KDM4C: variants seen among roughly 807,000 people sequenced by gnomAD.
KDM4C encodes lysine demethylase 4C.
In KDM4C, 81 loss-of-function variants were observed where a neutral mutation model predicts 129.3. That is an observed-to-expected ratio of 0.63 (90% CI 0.52 to 0.75). The LOEUF is 0.75. Ranked by LOEUF, KDM4C falls within the 30% of genes least tolerant of loss-of-function variation. KDM4C has a pLI of 0.00. For synonymous variants in KDM4C, 573 were observed against 456.1 expected (o/e 1.26, Z -3.26); for missense variants, 1,457 against 1,304.0 (o/e 1.12, Z -1.81).
intron 4 of KDM4C, among the ~76,000 whole-genome samples, chr9:6,840,965 C>G (rs1438638179): frequency 2.0e-5 from 3 of 152,192 alleles, no homozygotes; most frequent in Admixed American, 6.5e-5. Flanking sequence ...AAGAGCACAT[C>G]TAAATGTAAC....
At chr9:7,062,862 T>C (rs1441410243) in intron 17 of KDM4C, among the ~76,000 whole-genome samples, 5 of 152,200 alleles carry the variant, frequency 3.3e-5, no homozygotes, top group African/African-American at 4.8e-5. Flanking sequence ...GACTTCTTTT[T>C]TTCCACTTTG....
chr9:6,876,254 C>G, intron 5 of KDM4C, among the ~76,000 whole-genome samples: 1 of 152,160 alleles, frequency 6.6e-6, no homozygotes, highest in Non-Finnish European at 1.5e-5. Flanking sequence ...TTGATCTTAG[C>G]CAAAAGGCCG....
At chr9:6,978,840 T>A (rs973736551) in intron 8 of KDM4C, 1 of 152,178 alleles carries the variant, frequency 6.6e-6, no homozygotes, top group Non-Finnish European at 1.5e-5. Context: ...AGTACCATCC[T>A]CCAGTCTCGG....
intron 4 of KDM4C, among the ~76,000 whole-genome samples, chr9:6,847,716 C>T (rs572219367): frequency 1.3e-5 from 2 of 152,204 alleles, no homozygotes; most frequent in South Asian, 2.1e-4. Context: ...GATACTTTGA[C>T]CAGTTTCCAA....
rs1320547309 is a variant in KDM4C at position 6,950,599 on chromosome 9, G to A, written c.922-30326G>A. ...AGATGATCATCAAATGCTGGTTTAA[G>A]TGAGATTATCTCTGTATTCTGTTTA... On this transcript the variant is annotated intron_variant, in intron 8 of 21. Transcript: ENST00000381309. Among the ~76,000 whole-genome samples, 5 of 152,306 alleles carry A rather than the reference G, an allele frequency of 3.3e-5. No individual in the cohort carries two copies. The South Asian group carries it at 6.2e-4, about 19-fold the overall frequency.
At chr9:6,939,722 T>A (rs1282275922) in intron 8 of KDM4C, among the ~76,000 whole-genome samples, 1 of 152,252 alleles carries the variant, frequency 6.6e-6, no homozygotes, top group Non-Finnish European at 1.5e-5. Context: ...TAATTAATGA[T>A]AGGGTTCCTT....
chr9:6,985,730 G>A lies in KDM4C; in HGVS notation c.1355-614G>A, dbSNP rs140874573. Among the ~76,000 whole-genome samples, 1,039 of 151,918 alleles carry A rather than the reference G, an allele frequency of 6.8e-3. 9 individuals carry two copies. The highest frequency in any genetic ancestry group is 0.024 in the African/African-American group (985 of 41,420). Reference sequence around the variant, plus strand: ...TTTTGAGACAGAGTCTCTCTCTGTCGCCCAGGCTGGAGTGCCGTGGCACAA... The same window carrying A: ...TTTTGAGACAGAGTCTCTCTCTGTCACCCAGGCTGGAGTGCCGTGGCACAA... On this transcript the variant is annotated intron_variant, in intron 10 of 21. Coordinates refer to ENST00000381309, the MANE Select transcript of KDM4C (RefSeq NM_015061.6).
intron 8 of KDM4C, among the ~76,000 whole-genome samples, chr9:6,949,618 C>T (rs1827727387): frequency 6.6e-6 from 1 of 152,232 alleles, no homozygotes; most frequent in African/African-American, 2.4e-5. Context: ...GCTGGCAGAT[C>T]ACTCGCGGTT....
intron 19 of KDM4C, among the ~76,000 whole-genome samples, chr9:7,160,633 C>G (rs1164410067): frequency 2.6e-5 from 4 of 152,138 alleles, no homozygotes; most frequent in Non-Finnish European, 4.4e-5. Flanking sequence ...CACTCCAGAC[C>G]CTGTTTGCCT....
chr9:6,985,974 A>C (rs1471574953), intron 10 of KDM4C, among the ~76,000 whole-genome samples: 1 of 152,196 alleles, frequency 6.6e-6, no homozygotes, highest in Non-Finnish European at 1.5e-5. Context: ...TACACACGTG[A>C]GCCACCGTGC....
chr9:7,109,099 C>T (rs1166884581), intron 18 of KDM4C, among the ~76,000 whole-genome samples: 1 of 152,102 alleles, frequency 6.6e-6, no homozygotes. Flanking sequence ...GTGAATGCAG[C>T]CTATCATAAC....
intron 10 of KDM4C, 108 bp from the exon 11 acceptor site, chr9:6,986,236 C>A: frequency 1.4e-6 from 1 of 712,868 alleles, no homozygotes; most frequent in Non-Finnish European, 2.3e-6. Flanking sequence ...CATGCGCATG[C>A]GTGTGTATGT....
At chr9:7,001,131 T>C (rs1194866704) in intron 12 of KDM4C, among the ~76,000 whole-genome samples, 1 of 152,242 alleles carries the variant, frequency 6.6e-6, no homozygotes, top group Non-Finnish European at 1.5e-5. Context: ...TTTGGAGGTG[T>C]TAGGTTCCCA....
intron 8 of KDM4C, among the ~76,000 whole-genome samples, chr9:6,942,052 G>A (rs961427443): frequency 1.3e-5 from 2 of 152,148 alleles, no homozygotes; most frequent in African/African-American, 2.4e-5. Flanking sequence ...TTTAAAAAGG[G>A]TTCCAATATA....
intron 8 of KDM4C, among the ~76,000 whole-genome samples, chr9:6,953,840 C>G (rs1295539584): frequency 6.6e-6 from 1 of 152,176 alleles, no homozygotes; most frequent in Non-Finnish European, 1.5e-5. Flanking sequence ...TTCCTGCTGC[C>G]TCATCATCAT....
chr9:7,127,562 T>A (rs747889662), intron 18 of KDM4C, among the ~76,000 whole-genome samples: 2 of 152,182 alleles, frequency 1.3e-5, no homozygotes, highest in African/African-American at 2.4e-5. Context: ...ATGGTCCTGA[T>A]TAAAGAAGCC....
intron 3 of KDM4C, among the ~76,000 whole-genome samples, chr9:6,811,183 T>C (rs574666731): frequency 6.6e-6 from 1 of 152,260 alleles, no homozygotes; most frequent in South Asian, 2.1e-4. Flanking sequence ...AGACAGAGTC[T>C]CGCTCTGTTG....
intron 17 of KDM4C, among the ~76,000 whole-genome samples, chr9:7,069,188 G>A (rs1832865817): frequency 6.6e-6 from 1 of 152,064 alleles, no homozygotes; most frequent in African/African-American, 2.4e-5. Context: ...TTGTTATTAT[G>A]ATGTATTACA....
At chr9:7,131,375 TTATAA>T (rs889523943) in intron 19 of KDM4C, among the ~76,000 whole-genome samples, 1 of 152,188 alleles carries the variant, frequency 6.6e-6, no homozygotes. Context: ...TTTTTTCCCC[TTATAA>T]TATTGTATTA....
Sources: allele counts gnomAD v4.1 joint callset (sites outside exome capture counted in the v4.1 genomes callset), GRCh38; gene constraint gnomAD v4.1.1; transcripts MANE v1.5; gene names NCBI Gene and HGNC (gene_info 2026-07-23, HGNC 2026-07-21).